The following ENPP3 variants were observed in gnomAD, a reference collection of about 807,000 sequenced individuals.
ENPP3 encodes ectonucleotide pyrophosphatase/phosphodiesterase family member 3.
In ENPP3, 104 loss-of-function variants were observed where a neutral mutation model predicts 117.8. The observed-to-expected ratio is 0.88, with a 90% CI of 0.75 to 1.04. ENPP3 has a LOEUF of 1.04. Ranked by LOEUF, ENPP3 falls within the 50% of genes least tolerant of loss-of-function variation. ENPP3 has a pLI of 0.00. For missense variants in ENPP3, 1,026 were observed against 1,051.9 expected (o/e 0.98, Z 0.34); for synonymous variants, 380 against 349.9 (o/e 1.09, Z -0.96).
At chr6:131,658,560 T>A in intron 6 of ENPP3, 140 bp downstream of exon 6, 2 of 569,068 alleles carry the variant, frequency 3.5e-6, no homozygotes, top group South Asian at 4.9e-5. Context: ...CCACATGGTT[T>A]CTACTTTCAT....
At chr6:131,646,211 T>C (rs373734194) in intron 2 of ENPP3, among the ~76,000 whole-genome samples, 46 of 152,144 alleles carry the variant, frequency 3.0e-4, no homozygotes, top group African/African-American at 1.1e-3. Flanking sequence ...TTAAAAAAAT[T>C]ATAGTTCTCT....
In ENPP3 at chr6:131,667,756, T is replaced by C. The variant is rs974365987; in HGVS notation, c.563-3492T>C. Among the ~76,000 whole-genome samples the C allele has an allele frequency of 8.1e-4, 124 of 152,368 alleles. 2 individuals carry two copies. Among genetic ancestry groups the C allele is most frequent in the Non-Finnish European group, 8.7e-4 (59 of 68,036 alleles). On this transcript the variant is annotated intron_variant, in intron 6 of 24. Coordinates refer to ENST00000357639, the MANE Select transcript of ENPP3 (RefSeq NM_005021.5). ...AAGCAGGAGCCTCTCAAGTAGTTTC[T>C]GGGTTTCTCACAAAGGGAATTGATT...
intron 1 of ENPP3, 38 bp from the exon 2 acceptor site, chr6:131,641,417 A>T (rs762840934): frequency 4.0e-5 from 56 of 1,399,442 alleles, no homozygotes; most frequent in South Asian, 2.1e-4. Context: ...GTAATTTTTT[A>T]AAAAATTATA....
At chr6:131,641,015 G>A (rs554898710) in intron 1 of ENPP3, among the ~76,000 whole-genome samples, 2 of 152,200 alleles carry the variant, frequency 1.3e-5, no homozygotes, top group African/African-American at 4.8e-5. Flanking sequence ...TCCTGTGATA[G>A]AGTAGGAAAA....
At chr6:131,724,275 G>A (rs181457439) in intron 19 of ENPP3, among the ~76,000 whole-genome samples, 184 bp downstream of exon 19, 12 of 145,846 alleles carry the variant, frequency 8.2e-5, no homozygotes, top group African/African-American at 3.1e-4. Flanking sequence ...TACAAGCATG[G>A]GGTAGTTCCA....
At chr6:131,649,727 T>C (rs1053667160) in intron 2 of ENPP3, among the ~76,000 whole-genome samples, 6 of 152,126 alleles carry the variant, frequency 3.9e-5, no homozygotes, top group African/African-American at 1.4e-4. Flanking sequence ...GGTTAAGTTT[T>C]GTATTTTTAG....
intron 15 of ENPP3, among the ~76,000 whole-genome samples, chr6:131,695,584 G>A (rs1412772128): frequency 1.3e-5 from 2 of 152,074 alleles, no homozygotes; most frequent in Non-Finnish European, 2.9e-5. Flanking sequence ...TACATCAAAG[G>A]AAATTTTGAA....
intron 2 of ENPP3, among the ~76,000 whole-genome samples, chr6:131,643,925 GTGTGTGTGTGTGTGTGTC>G (rs1047632843): frequency 8.6e-5 from 12 of 139,626 alleles, no homozygotes; most frequent in Admixed American, 2.2e-4. Context: ...AGGGTCGTCT[GTGTGTGTGTGTGTGTGTC>G]TGTGTGTGTG....
intron 17 of ENPP3, among the ~76,000 whole-genome samples, 171 bp from the exon 18 acceptor site, chr6:131,722,056 C>T (rs150169965): frequency 1.3e-5 from 2 of 152,238 alleles, no homozygotes; most frequent in African/African-American, 2.4e-5. Flanking sequence ...GTGATTGAAA[C>T]CATGGAGAAG....
At chr6:131,717,840 T>C (rs1779931437) in intron 15 of ENPP3, among the ~76,000 whole-genome samples, 2 of 152,300 alleles carry the variant, frequency 1.3e-5, no homozygotes, top group South Asian at 2.1e-4. Flanking sequence ...TCCCATAAGA[T>C]TATAATACTA....
chr6:131,671,393 T>C, intron 7 of ENPP3, 66 bp downstream of exon 7: 5 of 970,106 alleles, frequency 5.2e-6, no homozygotes, highest in Non-Finnish European at 8.2e-6. Flanking sequence ...CAGACATGTT[T>C]GGGCAGGAAC....
chr6:131,675,525 A>C (rs1451662769), intron 9 of ENPP3: 2 of 186,332 alleles, frequency 1.1e-5, no homozygotes, highest in African/African-American at 4.7e-5. Context: ...CACCAGAGGG[A>C]TTCCTTTAAA....
At chr6:131,683,933 A>G (rs147147193) in intron 12 of ENPP3, among the ~76,000 whole-genome samples, 1,776 of 152,022 alleles carry the variant, frequency 0.012, 29 homozygotes, top group African/African-American at 0.041. Flanking sequence ...TTGTATTTTT[A>G]GTAGCGATGG....
Position 131,733,686 on chromosome 6 carries a change from A to C in ENPP3, c.2052A>C (p.Ala684=). 6.2e-7 allele frequency: 1 copy of C among 1,614,084 alleles called. No individual in the cohort carries two copies. The highest frequency in any genetic ancestry group is 8.5e-7 in the Non-Finnish European group (1 of 1,179,980). The change falls in exon 21 of 25, where the codon GCA becomes GCC. Residue 684 remains alanine, a synonymous_variant. Coordinates refer to ENST00000357639, the MANE Select transcript of ENPP3 (RefSeq NM_005021.5). Reference sequence around the variant, plus strand: ...GCCAAAAATGTTCCTTCTATTTAGCAGACAAGAATATCACCCACGGCTTCC... The same window carrying C: ...GCCAAAAATGTTCCTTCTATTTAGCCGACAAGAATATCACCCACGGCTTCC... ...SESQKCSFYL[A]DKNITHGFLY...
At chr6:131,691,474 AG>A (rs1338192231) in intron 14 of ENPP3, among the ~76,000 whole-genome samples, 6 of 151,898 alleles carry the variant, frequency 4.0e-5, no homozygotes, top group African/African-American at 1.5e-4. Context: ...CTGTAATCCC[AG>A]CTACTCTGGA....
chr6:131,668,730 A>G (rs367940399), intron 6 of ENPP3, among the ~76,000 whole-genome samples: 1 of 152,230 alleles, frequency 6.6e-6, no homozygotes, highest in Non-Finnish European at 1.5e-5. Context: ...ATTCGAGGGT[A>G]TAAGTAAAAA....
intron 15 of ENPP3, chr6:131,711,069 G>T (rs934668908): frequency 1.3e-6 from 2 of 1,571,692 alleles, no homozygotes; most frequent in East Asian, 4.7e-5. Context: ...CACAACAAGC[G>T]GTGGAGAACA....
chr6:131,729,162 TTC>T (rs1780220977), intron 20 of ENPP3, among the ~76,000 whole-genome samples: 1 of 152,212 alleles, frequency 6.6e-6, no homozygotes, highest in Non-Finnish European at 1.5e-5. Context: ...TTTTTCTTGT[TTC>T]TAAAGATTAT....
chr6:131,647,643 A>G (rs990569252), intron 2 of ENPP3, among the ~76,000 whole-genome samples: 3 of 152,162 alleles, frequency 2.0e-5, no homozygotes, highest in Non-Finnish European at 2.9e-5. Context: ...AACCTCCTCT[A>G]CATATTATTT....
Sources: allele counts gnomAD v4.1 joint callset (sites outside exome capture counted in the v4.1 genomes callset), GRCh38; gene constraint gnomAD v4.1.1; transcripts MANE v1.5; gene names NCBI Gene and HGNC (gene_info 2026-07-23, HGNC 2026-07-21).